Variants in EEA1 observed in about 807,000 individuals in gnomAD.
EEA1 encodes the protein early endosome antigen 1.
A neutral mutation model predicts 209.2 loss-of-function variants in EEA1; 111 were observed. That is an observed-to-expected ratio of 0.53 (90% confidence interval 0.45 to 0.62). The LOEUF (loss-of-function observed/expected upper bound fraction) is 0.62. EEA1 is among the 20% of genes least tolerant of loss of function. The probability of loss-of-function intolerance (pLI) is 0.00; values close to 1 mark genes in which losing one functional copy is unlikely to be tolerated. For missense variants in EEA1, 1,343 were observed against 1,530.8 expected, an observed-to-expected ratio of 0.88 and a Z score of 2.05; for synonymous variants, 536 against 540.6, an observed-to-expected ratio of 0.99 and a Z score of 0.12.
chr12:92,898,766 AG>A (rs1229827519), intron 1 of EEA1, among the ~76,000 whole-genome samples: 1 of 92,976 alleles, frequency 1.1e-5, no homozygotes, highest in Non-Finnish European at 1.9e-5. Flanking sequence ...TTTTAGAGAC[AG>A]GGGTCTCAGA....
At chr12:92,879,204 T>C (rs1185147290) in intron 2 of EEA1, 31 of 292,614 alleles carry the variant, frequency 1.1e-4, no homozygotes, top group Non-Finnish European at 3.3e-5. Flanking sequence ...ATTCTGGATT[T>C]TTTTTTTTTT....
At chr12:92,897,988 ATG>A (rs1879962483) in intron 1 of EEA1, among the ~76,000 whole-genome samples, 1 of 152,220 alleles carries the variant, frequency 6.6e-6, no homozygotes, top group African/African-American at 2.4e-5. Context: ...CAAAGAATTT[ATG>A]TGACTCGTTT....
At chr12:92,894,465 T>C (rs1565854030) in intron 1 of EEA1, among the ~76,000 whole-genome samples, 3 of 152,140 alleles carry the variant, frequency 2.0e-5, no homozygotes, top group African/African-American at 4.8e-5. Flanking sequence ...CAGCCAAATG[T>C]GAATGCAAAG....
chr12:92,816,025 C>A (rs1290422479), intron 15 of EEA1, among the ~76,000 whole-genome samples, 175 bp downstream of exon 15: 1 of 150,110 alleles, frequency 6.7e-6, no homozygotes, highest in African/African-American at 2.5e-5. Flanking sequence ...AGAGGGGGAG[C>A]AGGGGAGAAA....
At chr12:92,790,792 A>G (rs1055581786) in intron 21 of EEA1, among the ~76,000 whole-genome samples, 1 of 152,168 alleles carries the variant, frequency 6.6e-6, no homozygotes, top group Non-Finnish European at 1.5e-5. Flanking sequence ...GATACTCCTC[A>G]AGAAGAGCAA....
At position 92,884,629 on chromosome 12, in the gene EEA1, T is replaced by C. The variant is rs538594980; in HGVS notation, c.117+7000A>G. On this transcript the variant is annotated intron_variant, in intron 2 of 28. Coordinates refer to ENST00000322349, the MANE Select transcript of EEA1 (RefSeq NM_003566.4). The stretch of plus-strand genomic sequence containing the variant: ...CCTATGGTGGTGGAGGCCAATACTT[T>C]GCCAAACCATGAAACCAAGGTGGCT... The C allele has an allele frequency of 1.1e-5, 15 of 1,361,262 alleles. No homozygotes were observed. The South Asian group carries it at 1.7e-4, about 16-fold the overall frequency. The allele number at this position is 1,361,262 out of a possible 1,614,324, so 84.3% of individuals were successfully genotyped here.
chr12:92,910,676 T>C (rs1592773732), intron 1 of EEA1, among the ~76,000 whole-genome samples: 1 of 152,274 alleles, frequency 6.6e-6, no homozygotes, highest in Non-Finnish European at 1.5e-5. Context: ...CAAAAGACAT[T>C]GTCAAGAGTA....
intron 21 of EEA1, among the ~76,000 whole-genome samples, chr12:92,792,954 C>T (rs143131772): frequency 0.016 from 2,493 of 152,282 alleles, 41 homozygotes; most frequent in South Asian, 0.095. Flanking sequence ...TAGCTTCATC[C>T]CTGGGATGCA....
At chr12:92,916,479 C>T (rs1393024032) in intron 1 of EEA1, among the ~76,000 whole-genome samples, 1 of 150,344 alleles carries the variant, frequency 6.7e-6, no homozygotes, top group African/African-American at 2.5e-5. Flanking sequence ...ATAGTGAAAC[C>T]CCGTCTCTAC....
At chr12:92,881,143 C>T (rs1879120424) in intron 2 of EEA1, among the ~76,000 whole-genome samples, 1 of 152,104 alleles carries the variant, frequency 6.6e-6, no homozygotes, top group South Asian at 2.1e-4. Flanking sequence ...GTAGATCATG[C>T]CTGTAATCCC....
chr12:92,895,974 T>C (rs1252409415), intron 1 of EEA1, among the ~76,000 whole-genome samples: 6 of 151,772 alleles, frequency 4.0e-5, no homozygotes, highest in Non-Finnish European at 7.4e-5. Flanking sequence ...CTGATAATTT[T>C]CTTTTTTTTT....
At position 92,886,947 on chromosome 12, in the gene EEA1, G is replaced by A. The variant is rs991155270; in HGVS notation, c.117+4682C>T. Among the ~76,000 whole-genome samples the A allele has an allele frequency of 7.9e-5, 12 of 151,456 alleles. No homozygotes were observed. In the South Asian group the frequency reaches 2.1e-3, roughly 26 times the overall value. On this transcript the variant is annotated intron_variant, in intron 2 of 28. Coordinates refer to ENST00000322349, the MANE Select transcript of EEA1 (RefSeq NM_003566.4). ...TGGGAGGAGGAGTTTGCAGTGAGCC[G>A]AGATCCGCACCACTGCACTCCAGCC...
intron 3 of EEA1, among the ~76,000 whole-genome samples, 172 bp from the exon 4 acceptor site, chr12:92,857,657 G>T (rs769796129): frequency 6.6e-6 from 1 of 151,770 alleles, no homozygotes; most frequent in Non-Finnish European, 1.5e-5. Flanking sequence ...TCAGAAAAAC[G>T]ATTTTATTCC....
In EEA1 at chr12:92,809,005, G is replaced by A. The variant is rs1875348175; in HGVS notation, c.2339+12C>T. ...TTTTCCCTTAATTTGTAAGTAAAGT[G>A]GTTTAGCTTACATTTCCTTCTCCAT... is the stretch of plus-strand genomic sequence containing the variant. On this transcript the variant is annotated intron_variant, in intron 18 of 28. Coordinates refer to ENST00000322349, the MANE Select transcript of EEA1 (RefSeq NM_003566.4). 1.3e-6 allele frequency: 2 copies of A among 1,578,094 alleles called. No homozygotes were observed. The highest frequency in any genetic ancestry group is 8.6e-7 in the Non-Finnish European group (1 of 1,164,332).
At chr12:92,838,266 ATT>A (rs1877015646) in intron 10 of EEA1, among the ~76,000 whole-genome samples, 1 of 152,214 alleles carries the variant, frequency 6.6e-6, no homozygotes, top group African/African-American at 2.4e-5. Context: ...GTGCTAGAGT[ATT>A]TGACTGTACA....
chr12:92,885,543 T>TA (rs1879341593), intron 2 of EEA1, among the ~76,000 whole-genome samples: 1 of 152,204 alleles, frequency 6.6e-6, no homozygotes, highest in African/African-American at 2.4e-5. Flanking sequence ...TCAATTAGAT[T>TA]AGCAGTCAGA....
At position 92,822,644 on chromosome 12, in the gene EEA1, C is replaced by T. The variant is rs931634175; in HGVS notation, c.1525-3133G>A. 2.6e-5 allele frequency among the ~76,000 whole-genome samples: 4 copies of T among 152,082 alleles called. No individual in the cohort carries two copies. The East Asian group carries it at 5.8e-4, about 22-fold the overall frequency. On this transcript the variant is annotated intron_variant, in intron 13 of 28. Coordinates refer to ENST00000322349, the MANE Select transcript of EEA1 (RefSeq NM_003566.4). The stretch of plus-strand genomic sequence containing the variant: ...CTGCTCTTCTTCTACCCAGTCATCA[C>T]TTAAGGGGTGGTGTTTCTCAGAAGT...
intron 10 of EEA1, among the ~76,000 whole-genome samples, chr12:92,834,546 TAAAAAA>T (rs5800089): frequency 4.0e-5 from 3 of 74,422 alleles, no homozygotes; most frequent in East Asian, 8.6e-4. Context: ...ACCCTGTCAC[TAAAAAA>T]AAAAAAAAAA....
rs769336231 is a variant in EEA1, at chr12:92,779,255, T to A, written c.3514A>T (p.Lys1172Ter). The change falls in exon 25 of 29, where the codon AAA becomes TAA. Residue 1172 changes from lysine to a stop codon, truncating the protein, a stop_gained. Coordinates refer to ENST00000322349, the MANE Select transcript of EEA1 (RefSeq NM_003566.4). LOFTEE classifies it high-confidence loss of function. Reference protein sequence around the residue: ...KDAKQLLIQQKLELQGKADSL... With the variant: ...KDAKQLLIQQ ...TCCGCTTTTCCTTGAAGTTCTAATT[T>A]CTGCTGAATTAGAAGCTGTTTAGCA... 6.2e-7 allele frequency: 1 copy of A among 1,608,888 alleles called. No homozygotes were observed. The highest frequency in any genetic ancestry group is 8.5e-7 in the Non-Finnish European group (1 of 1,178,690).
Sources: gnomAD v4.1 joint callset for allele counts (sites outside exome capture counted in the v4.1 genomes callset) on GRCh38, gnomAD v4.1.1 for gene constraint, MANE v1.5 for transcripts, NCBI Gene and HGNC (gene_info 2026-07-23, HGNC 2026-07-21) for gene names.